AQP9: variants seen among roughly 807,000 people sequenced by gnomAD.
AQP9 encodes the protein aquaporin-9.
Under a neutral mutation model 23.8 loss-of-function variants are expected in AQP9, and 19 were observed. The ratio of observed to expected loss-of-function variants is 0.80; its 90% CI spans 0.56 to 1.17. AQP9 has a LOEUF of 1.17. Ranked by LOEUF, AQP9 falls within the 50% of genes most tolerant of loss-of-function variation. The probability of loss-of-function intolerance (pLI) is 0.00; values close to 1 mark genes in which losing one functional copy is unlikely to be tolerated. For missense variants in AQP9, 413 were observed against 362.0 expected (o/e 1.14, Z -1.14); for synonymous variants, 153 against 131.5 (o/e 1.16, Z -1.12).
chr15:58,162,120 G>C (rs1345735440), intron 1 of AQP9, among the ~76,000 whole-genome samples: 1 of 152,170 alleles, frequency 6.6e-6, no homozygotes, highest in Non-Finnish European at 1.5e-5. Flanking sequence ...GAAGGTACAG[G>C]GTTAATTACC....
At chr15:58,147,664 G>C (rs1156868452) in intron 1 of AQP9, among the ~76,000 whole-genome samples, 3 of 152,106 alleles carry the variant, frequency 2.0e-5, no homozygotes, top group African/African-American at 4.8e-5. Context: ...ACATGCCTTA[G>C]AGTCTTTCTG....
At chr15:58,180,008 G>A (rs372536039) in intron 5 of AQP9, among the ~76,000 whole-genome samples, 9 of 152,196 alleles carry the variant, frequency 5.9e-5, no homozygotes, top group Admixed American at 1.3e-4. Context: ...CAGGACAGAC[G>A]TAAGATTGAG....
chr15:58,184,258 G>A lies in AQP9; in HGVS notation c.*123G>A, dbSNP rs1460005406. The A allele has an allele frequency of 6.0e-6, 6 of 997,068 alleles. No homozygotes were observed. The highest frequency in any genetic ancestry group is 8.8e-6 in the Non-Finnish European group (6 of 681,744). The allele number at this position is 997,068 out of a possible 1,614,324, so 61.8% of individuals were successfully genotyped here. ...CCCAGTTTTGTCTGCTAGCCATATGGGACATCTAATTGGAAAAGCATCTGC... is the reference window on the plus strand; with the variant it reads ...CCCAGTTTTGTCTGCTAGCCATATGAGACATCTAATTGGAAAAGCATCTGC... On this transcript the variant is annotated 3_prime_UTR_variant, in exon 6 of 6. Coordinates refer to ENST00000219919, the MANE Select transcript of AQP9 (RefSeq NM_020980.5).
At chr15:58,168,122 A>G (rs1211727881) in intron 2 of AQP9, among the ~76,000 whole-genome samples, 2 of 151,728 alleles carry the variant, frequency 1.3e-5, no homozygotes, top group Non-Finnish European at 2.9e-5. Context: ...CCCAGGCTCA[A>G]ACAATTCTAC....
chr15:58,178,215 C>T (rs1325526057), intron 4 of AQP9, among the ~76,000 whole-genome samples: 1 of 152,094 alleles, frequency 6.6e-6, no homozygotes, highest in Non-Finnish European at 1.5e-5. Context: ...CACCAAGGGA[C>T]AGCTGTATAA....
At chr15:58,173,976 G>T (rs995087718) in intron 3 of AQP9, among the ~76,000 whole-genome samples, 7 of 152,036 alleles carry the variant, frequency 4.6e-5, no homozygotes, top group Admixed American at 1.3e-4. Flanking sequence ...TATGAACCAG[G>T]CCTTATAGAA....
chr15:58,141,563 G>A (rs1897954343), intron 1 of AQP9, among the ~76,000 whole-genome samples: 1 of 152,182 alleles, frequency 6.6e-6, no homozygotes, highest in African/African-American at 2.4e-5. Flanking sequence ...CTGGAACACA[G>A]ACTATGGAGG....
chr15:58,178,094 A>T (rs1242895126), intron 4 of AQP9, among the ~76,000 whole-genome samples: 1 of 152,220 alleles, frequency 6.6e-6, no homozygotes, highest in African/African-American at 2.4e-5. Context: ...TAAAGTATAC[A>T]GGAGGATGTG....
chr15:58,172,880 T>C (rs1190835889), intron 2 of AQP9, among the ~76,000 whole-genome samples, 188 bp from the exon 3 acceptor site: 2 of 152,118 alleles, frequency 1.3e-5, no homozygotes, highest in East Asian at 1.9e-4. Context: ...GCCATGAAAA[T>C]GATCATTCCT....
At chr15:58,181,016 G>T (rs1487352387) in intron 5 of AQP9, among the ~76,000 whole-genome samples, 2 of 152,146 alleles carry the variant, frequency 1.3e-5, no homozygotes, top group African/African-American at 4.8e-5. Context: ...CCACCATCCA[G>T]AGTCTCAGTC....
At chr15:58,149,458 T>C (rs1187288274) in intron 1 of AQP9, among the ~76,000 whole-genome samples, 1 of 152,194 alleles carries the variant, frequency 6.6e-6, no homozygotes, top group Non-Finnish European at 1.5e-5. Flanking sequence ...TGAGAGCAAT[T>C]CTTTTAACTT....
At chr15:58,141,017 A>G (rs1897941157) in intron 1 of AQP9, among the ~76,000 whole-genome samples, 2 of 152,204 alleles carry the variant, frequency 1.3e-5, no homozygotes, top group African/African-American at 2.4e-5. Flanking sequence ...TTTATAAACT[A>G]CAACTAAAAC....
At chr15:58,155,996 T>G (rs1898249492) in intron 1 of AQP9, 1 of 152,180 alleles carries the variant, frequency 6.6e-6, no homozygotes, top group Middle Eastern at 3.2e-3. Flanking sequence ...GCATCCATTA[T>G]GCACTTCTCA....
chr15:58,163,497 T>C (rs911846400), intron 1 of AQP9, among the ~76,000 whole-genome samples: 5 of 152,106 alleles, frequency 3.3e-5, no homozygotes, highest in African/African-American at 1.2e-4. Flanking sequence ...GATAATGAAA[T>C]CAAGATTATG....
chr15:58,164,197 C>A (rs1322490053), intron 1 of AQP9: 2 of 152,088 alleles, frequency 1.3e-5, no homozygotes, highest in Non-Finnish European at 2.9e-5. Context: ...AAGGCAGAAG[C>A]CTCCACGGAC....
At chr15:58,179,448 C>A in intron 5 of AQP9, 103 bp downstream of exon 5, 3 of 994,390 alleles carry the variant, frequency 3.0e-6, no homozygotes, top group Non-Finnish European at 4.4e-6. Context: ...ATGACAGCGC[C>A]AACGTTAACT....
At chr15:58,160,816 G>A (rs982369297) in intron 1 of AQP9, among the ~76,000 whole-genome samples, 2 of 152,146 alleles carry the variant, frequency 1.3e-5, no homozygotes, top group Non-Finnish European at 2.9e-5. Flanking sequence ...CAGGATTTCA[G>A]CTCATCATTA....
intron 1 of AQP9, chr15:58,164,190 G>A (rs1898448230): frequency 6.6e-6 from 1 of 152,128 alleles, no homozygotes; most frequent in Non-Finnish European, 1.5e-5. Flanking sequence ...ATTTGACAAG[G>A]CAGAAGCCTC....
chr15:58,183,252 CCTTT>C (rs778350077), intron 5 of AQP9, among the ~76,000 whole-genome samples: 6 of 152,094 alleles, frequency 3.9e-5, no homozygotes, highest in Admixed American at 6.6e-5. Context: ...CTTTCCTGAT[CCTTT>C]CTAAGAAATT....
Sources: gnomAD v4.1 joint callset for allele counts (sites outside exome capture counted in the v4.1 genomes callset) on GRCh38, gnomAD v4.1.1 for gene constraint, MANE v1.5 for transcripts, NCBI Gene and HGNC (gene_info 2026-07-23, HGNC 2026-07-21) for gene names.